The following SLC25A21 variants were observed in gnomAD, a reference collection of about 807,000 sequenced individuals.
The protein encoded by SLC25A21 is mitochondrial 2-oxodicarboxylate carrier.
Under a neutral mutation model 43.8 loss-of-function variants are expected in SLC25A21, and 47 were observed. The observed-to-expected ratio is 1.07, with a 90% CI of 0.85 to 1.37. The LOEUF (loss-of-function observed/expected upper bound fraction) is 1.37, where lower values mean the gene tolerates loss of function less well. Among genes scored for constraint, SLC25A21 ranks in the 40% most tolerant of loss-of-function variants. SLC25A21 has a pLI of 0.00. For missense variants in SLC25A21, 352 were observed against 350.2 expected, an observed-to-expected ratio of 1.00 and a Z score of -0.04; for synonymous variants, 131 against 121.3, an observed-to-expected ratio of 1.08 and a Z score of -0.52.
chr14:36,779,848 T>G, intron 3 of SLC25A21, among the ~76,000 whole-genome samples: 1 of 151,652 alleles, frequency 6.6e-6, no homozygotes, highest in East Asian at 1.9e-4. Context: ...GTAGTTCTAT[T>G]TTGAATATTT....
At chr14:36,861,350 A>C (rs1039090411) in intron 2 of SLC25A21, among the ~76,000 whole-genome samples, 1 of 152,238 alleles carries the variant, frequency 6.6e-6, no homozygotes, top group African/African-American at 2.4e-5. Context: ...GCTGTGCTAG[A>C]ATCTCAACAA....
Position 36,678,294 on chromosome 14 carries a change from C to A in SLC25A21, c.*2364G>T. On this transcript the variant is annotated 3_prime_UTR_variant, in exon 10 of 10. Transcript: ENST00000331299. ...CACACAAATTATGTTAGAGTGACTG[C>A]TTTTTTCAGACAGCAGATATCTTAT... 1.8e-6 allele frequency: 1 copy of A among 563,894 alleles called. No homozygotes were observed. Among genetic ancestry groups the A allele is most frequent in the Non-Finnish European group, 3.1e-6 (1 of 317,526 alleles). 34.9% of individuals were successfully genotyped at this position (563,894 alleles called of 1,614,324 possible).
intron 7 of SLC25A21, among the ~76,000 whole-genome samples, chr14:36,685,220 G>T (rs1392480737): frequency 6.6e-6 from 1 of 152,134 alleles, no homozygotes; most frequent in Non-Finnish European, 1.5e-5. Flanking sequence ...GTATAATTGG[G>T]CTTCACAATG....
At chr14:36,865,109 A>G (rs1890177544) in intron 2 of SLC25A21, among the ~76,000 whole-genome samples, 1 of 151,606 alleles carries the variant, frequency 6.6e-6, no homozygotes, top group African/African-American at 2.4e-5. Context: ...TTGGCCCAAC[A>G]TCCCCTTTCC....
At chr14:36,764,085 AAGGAAGGAAGGAAGGAAGGAAGGAAG>A (rs1566587660) in intron 3 of SLC25A21, among the ~76,000 whole-genome samples, 30 of 55,630 alleles carry the variant, frequency 5.4e-4, no homozygotes, top group East Asian at 2.7e-3. Context: ...AGAAAGAAGG[AAGGAAGGAAGGAAGGAAGGAAGGAAG>A]GAAAGAAGGA....
intron 3 of SLC25A21, among the ~76,000 whole-genome samples, chr14:36,766,589 C>T (rs1213022110): frequency 3.9e-5 from 6 of 152,138 alleles, no homozygotes; most frequent in Non-Finnish European, 7.3e-5. Context: ...CAAGTTGCAA[C>T]CCAGAGTGGG....
chr14:36,763,426 T>C, intron 3 of SLC25A21, among the ~76,000 whole-genome samples: 1 of 152,172 alleles, frequency 6.6e-6, no homozygotes, highest in Non-Finnish European at 1.5e-5. Context: ...TCCAGTCCAC[T>C]GGGAGGGAGA....
intron 3 of SLC25A21, among the ~76,000 whole-genome samples, chr14:36,777,338 AAAC>A (rs1348176507): frequency 4.6e-5 from 7 of 152,148 alleles, no homozygotes; most frequent in Admixed American, 1.3e-4. Context: ...AAACAAACAA[AAAC>A]AACAACAACA....
intron 1 of SLC25A21, among the ~76,000 whole-genome samples, chr14:37,034,777 A>G (rs981836708): frequency 3.9e-5 from 6 of 152,244 alleles, no homozygotes; most frequent in Admixed American, 1.3e-4. Context: ...AAGCCAGGGC[A>G]CAGGTGAAAA....
chr14:36,986,977 A>ATGTCCT (rs1343870465), intron 1 of SLC25A21, among the ~76,000 whole-genome samples: 1 of 152,038 alleles, frequency 6.6e-6, no homozygotes, highest in Non-Finnish European at 1.5e-5. Flanking sequence ...AAAACTATTA[A>ATGTCCT]TGTCCTTGAA....
At chr14:36,870,161 G>A (rs1032044866) in intron 2 of SLC25A21, among the ~76,000 whole-genome samples, 131 of 152,290 alleles carry the variant, frequency 8.6e-4, no homozygotes, top group African/African-American at 3.0e-3. Context: ...ATGTAAGAAG[G>A]GGAAATGGGG....
At chr14:36,696,998 T>C (rs1333463997) in intron 7 of SLC25A21, among the ~76,000 whole-genome samples, 1 of 152,202 alleles carries the variant, frequency 6.6e-6, no homozygotes, top group Non-Finnish European at 1.5e-5. Flanking sequence ...TTAATTGTGA[T>C]GTTAGGGTGT....
chr14:37,104,682 T>G (rs1195535354), intron 1 of SLC25A21, among the ~76,000 whole-genome samples: 1 of 152,220 alleles, frequency 6.6e-6, no homozygotes, highest in African/African-American at 2.4e-5. Flanking sequence ...AAAGTATTTT[T>G]GGTCCTCTTT....
intron 7 of SLC25A21, among the ~76,000 whole-genome samples, chr14:36,696,958 A>C (rs1228189864): frequency 1.3e-5 from 2 of 151,902 alleles, no homozygotes; most frequent in East Asian, 3.9e-4. Flanking sequence ...CTAGCTTTCG[A>C]ATGTGTTTGC....
At chr14:37,000,946 T>C (rs118083640) in intron 1 of SLC25A21, among the ~76,000 whole-genome samples, 2 of 152,080 alleles carry the variant, frequency 1.3e-5, no homozygotes, top group Non-Finnish European at 2.9e-5. Flanking sequence ...CTTTTCTTCA[T>C]AAATTAGCCA....
In SLC25A21 at chr14:36,927,495, G is replaced by T. The variant is rs868274578; in HGVS notation, c.71-52491C>A. On this transcript the variant is annotated intron_variant, in intron 1 of 9. Coordinates refer to ENST00000331299, the MANE Select transcript of SLC25A21 (RefSeq NM_030631.4). ...GACGAAATGGTTTCTCTCTTATTTTGTTTTCCTCAGAAACACTAAGGATAT... is the reference window on the plus strand; with the variant it reads ...GACGAAATGGTTTCTCTCTTATTTTTTTTTCCTCAGAAACACTAAGGATAT... Among the ~76,000 whole-genome samples the T allele has an allele frequency of 3.3e-5, 5 of 152,208 alleles. No individual in the cohort carries two copies. In the Middle Eastern group the frequency reaches 0.014, roughly 417 times the overall value.
intron 3 of SLC25A21, among the ~76,000 whole-genome samples, chr14:36,759,358 CAGG>C (rs1268831267): frequency 6.6e-6 from 1 of 152,132 alleles, no homozygotes; most frequent in Non-Finnish European, 1.5e-5. Flanking sequence ...CTGAAAAAAA[CAGG>C]AGACCTTTTT....
At chr14:36,721,125 G>T (rs2139205031) in intron 6 of SLC25A21, among the ~76,000 whole-genome samples, 1 of 152,298 alleles carries the variant, frequency 6.6e-6, no homozygotes, top group Admixed American at 6.5e-5. Flanking sequence ...ATCATTGGTT[G>T]AATGCCTACC....
intron 1 of SLC25A21, among the ~76,000 whole-genome samples, chr14:36,933,130 T>C (rs563983403): frequency 2.0e-5 from 3 of 152,272 alleles, no homozygotes; most frequent in Non-Finnish European, 4.4e-5. Context: ...TAGTTAGATC[T>C]AGGTAACAAC....
Sources: gnomAD v4.1 joint callset for allele counts (sites outside exome capture counted in the v4.1 genomes callset) on GRCh38, gnomAD v4.1.1 for gene constraint, MANE v1.5 for transcripts, NCBI Gene and HGNC (gene_info 2026-07-23, HGNC 2026-07-21) for gene names.